PRMT5: variants seen among roughly 807,000 people sequenced by gnomAD.
The protein encoded by PRMT5 is protein arginine methyltransferase 5, also known as protein arginine N-methyltransferase 5.
Under a neutral mutation model 84.0 loss-of-function variants are expected in PRMT5, and 15 were observed. That is an observed-to-expected ratio of 0.18 (90% CI 0.12 to 0.28). PRMT5 has a LOEUF of 0.28. PRMT5 is among the 10% of genes least tolerant of loss of function. The pLI is 1.00. For synonymous variants in PRMT5, 276 were observed against 292.4 expected, an observed-to-expected ratio of 0.94 and a Z score of 0.57; for missense variants, 486 against 808.0, an observed-to-expected ratio of 0.60 and a Z score of 4.83.
chr14:22,926,506 C>A lies in PRMT5; in HGVS notation c.613G>T (p.Ala205Ser), dbSNP rs748266784. Residue 205 changes from alanine (A) to serine (S), a missense_variant and splice_region_variant, in exon 6 of 17, where the codon GCT becomes TCT. Transcript: ENST00000324366. ...CATCCCAGGATTCTCATGGACTCAC[C>A]CACTGCAATCCTCTTACTATAGTCA... The part of the protein sequence containing the change: ...LCDYSKRIAV[A>S]LEIGADLPSN... 2 of 1,614,118 alleles carry A rather than the reference C, an allele frequency of 1.2e-6. No homozygotes were observed. The highest frequency in any genetic ancestry group is 1.7e-6 in the Non-Finnish European group (2 of 1,180,018).
rs1210676255 is a variant in PRMT5, at chr14:22,923,768, G to A, written c.1375+240C>T. Among the ~76,000 whole-genome samples the A allele has an allele frequency of 2.0e-5, 3 of 152,092 alleles. No homozygotes were observed. The highest frequency in any genetic ancestry group is 7.2e-5 in the African/African-American group (3 of 41,410). On this transcript the variant is annotated intron_variant, in intron 12 of 16. Coordinates refer to ENST00000324366, the MANE Select transcript of PRMT5 (RefSeq NM_006109.5). The surrounding 1 kb of genome is among the most constrained non-coding windows in gnomAD (Gnocchi z 5.2). ...ACCTCCCGCCTTGGCCTCCCAAAGT[G>A]CTGCAATTACAGGCATGAGCCACCG...
At position 22,928,983 on chromosome 14, in the gene PRMT5, C is replaced by A; in HGVS notation, c.110+269G>T. The A allele has an allele frequency of 2.8e-6, 2 of 724,074 alleles. No homozygotes were observed. 44.9% of individuals were successfully genotyped at this position (724,074 alleles called of 1,614,324 possible). A position where few individuals can be genotyped will look rare whatever the true frequency, so the allele number is the denominator to read the frequency against. On this transcript the variant is annotated intron_variant, in intron 1 of 16. Transcript: ENST00000324366. The surrounding 1 kb of genome is among the most constrained non-coding windows in gnomAD (Gnocchi z 4.8). ...CTCCCTTGCCCCCTAACACCTCCTC[C>A]CACTCCCAGACAATAATCGCGACCT... is the stretch of plus-strand genomic sequence containing the variant.
At position 22,926,459 on chromosome 14, in the gene PRMT5, A is replaced by G. The variant is rs2139241555; in HGVS notation, c.613+47T>C. 4 of 1,605,694 alleles carry G rather than the reference A, an allele frequency of 2.5e-6. 1 individual carries two copies. The South Asian group carries it at 3.3e-5, about 13-fold the overall frequency. Reference sequence around the variant, plus strand: ...TATGAAATTCCTGATTCTTATTCACAGGAGGTAAGAGAAGCCACACCCATC... The same window carrying G: ...TATGAAATTCCTGATTCTTATTCACGGGAGGTAAGAGAAGCCACACCCATC... On this transcript the variant is annotated intron_variant, in intron 6 of 16. Transcript: ENST00000324366.
rs576273463 is a variant in PRMT5, at chr14:22,928,748, T to C, written c.111-133A>G. ...CAGTTCAGCCTACTAGGCTGCTGAG[T>C]TCAGACCACCTTGGGGGATATCAAC... On this transcript the variant is annotated intron_variant, in intron 1 of 16. Transcript: ENST00000324366. The surrounding 1 kb of genome is among the most constrained non-coding windows in gnomAD (Gnocchi z 4.8). The C allele has an allele frequency of 2.7e-5, 21 of 764,642 alleles. No individual in the cohort carries two copies. Among genetic ancestry groups the C allele is most frequent in the East Asian group, 2.0e-4 (8 of 40,518 alleles). 47.4% of individuals were successfully genotyped at this position (764,642 alleles called of 1,614,324 possible). A position where few individuals can be genotyped will look rare whatever the true frequency, so the allele number is the denominator to read the frequency against.
At position 22,923,953 on chromosome 14, in the gene PRMT5, C is replaced by T. The variant is rs528323453; in HGVS notation, c.1375+55G>A. 23 of 1,514,676 alleles carry T rather than the reference C, an allele frequency of 1.5e-5. No homozygotes were observed. The African/African-American group carries it at 3.1e-4, about 20-fold the overall frequency. The allele number at this position is 1,514,676 out of a possible 1,614,324, so 93.8% of individuals were successfully genotyped here. ...TCCCCTAAACCCTGTACCCTCCTCC[C>T]AGGTTGCTGTCTCACCCATCATCAC... is the stretch of plus-strand genomic sequence containing the variant. On this transcript the variant is annotated intron_variant, in intron 12 of 16. Transcript: ENST00000324366. This position sits in a 1 kb window ranked among gnomAD's most constrained non-coding sequence, Gnocchi z 5.2.
intron 7 of PRMT5, among the ~76,000 whole-genome samples, chr14:22,925,776 T>C (rs1209714554): frequency 6.6e-6 from 1 of 151,536 alleles, no homozygotes; most frequent in Non-Finnish European, 1.5e-5. Context: ...GCTGAGATGG[T>C]ATGGCTGCAC....
rs1270607176 is a variant in PRMT5 at position 22,926,726 on chromosome 14, C to T, written c.539G>A (p.Ser180Asn). 31 of 1,614,020 alleles carry T rather than the reference C, an allele frequency of 1.9e-5. No homozygotes were observed. The highest frequency in any genetic ancestry group is 2.5e-5 in the Non-Finnish European group (29 of 1,179,990). Reference protein sequence around the residue: ...NAPTTHTEEYSGEEKTWMWWH... With the variant: ...NAPTTHTEEYNGEEKTWMWWH... ...CCACATCCACGTTTTCTCCTCCCCACTGTACTCCTCTGTGTGTGTAGTTGG... is the reference window on the plus strand; with the variant it reads ...CCACATCCACGTTTTCTCCTCCCCATTGTACTCCTCTGTGTGTGTAGTTGG... The change falls in exon 5 of 17, where the codon AGT becomes AAT. Residue 180 changes from serine (S) to asparagine (N), a missense_variant. Coordinates refer to ENST00000324366, the MANE Select transcript of PRMT5 (RefSeq NM_006109.5).
chr14:22,920,785 T>C lies in PRMT5; in HGVS notation c.*119A>G. 2 of 1,415,082 alleles carry C rather than the reference T, an allele frequency of 1.4e-6. No individual in the cohort carries two copies. Among genetic ancestry groups the C allele is most frequent in the East Asian group, 2.3e-5 (1 of 43,898 alleles). 87.7% of individuals were successfully genotyped at this position (1,415,082 alleles called of 1,614,324 possible). ...CTTGATGTAAGGCAGGAAAGCAGAT[T>C]GAAATGCTCCTCTCTGATGGGCAAG... is the stretch of plus-strand genomic sequence containing the variant. On this transcript the variant is annotated 3_prime_UTR_variant, in exon 17 of 17. Transcript: ENST00000324366.
rs2044364682 is a variant in PRMT5 at position 22,924,191 on chromosome 14, A to G, written c.1200-8T>C. The stretch of plus-strand genomic sequence containing the variant: ...AACTGCCAGTTCTCTAGCCTGAAAC[A>G]GAGACAATAAGGTAAGGAGAGATGT... On this transcript the variant is annotated splice_region_variant and splice_polypyrimidine_tract_variant and intron_variant, in intron 11 of 16. Transcript: ENST00000324366. This position sits in a 1 kb window ranked among gnomAD's most constrained non-coding sequence, Gnocchi z 6.5. 7 of 1,610,178 alleles carry G rather than the reference A, an allele frequency of 4.3e-6. No individual in the cohort carries two copies. The highest frequency in any genetic ancestry group is 5.9e-6 in the Non-Finnish European group (7 of 1,177,706).
chr14:22,925,025 T>C lies in PRMT5; in HGVS notation c.793A>G (p.Ile265Val). ...GAGTGGTGGTTGGTGCCTGTGATGATGAACTGCACCTCCAACTGTGAGAAA... is the reference window on the plus strand; with the variant it reads ...GAGTGGTGGTTGGTGCCTGTGATGACGAACTGCACCTCCAACTGTGAGAAA... ...FRLLKLEVQF[I>V]ITGTNHHSEK... The change falls in exon 8 of 17, where the codon ATC becomes GTC. Residue 265 changes from isoleucine to valine, a missense_variant. Around this residue, in one of 4 missense-constraint regions of PRMT5, gnomAD observed 215 missense variants for 301.1 expected, o/e 0.71. Transcript: ENST00000324366. 1.2e-6 allele frequency: 2 copies of C among 1,613,992 alleles called. No individual in the cohort carries two copies. Among genetic ancestry groups the C allele is most frequent in the Admixed American group, 3.3e-5 (2 of 59,974 alleles).
At chr14:22,922,034 A>G in intron 16 of PRMT5, 142 bp downstream of exon 16, 3 of 781,134 alleles carry the variant, frequency 3.8e-6, no homozygotes, top group South Asian at 3.3e-5. Flanking sequence ...AATACTCCCA[A>G]CACCTACCAC....
At chr14:22,925,678 G>C (rs1281135743) in intron 7 of PRMT5, among the ~76,000 whole-genome samples, 2 of 152,074 alleles carry the variant, frequency 1.3e-5, no homozygotes, top group African/African-American at 4.8e-5. Flanking sequence ...AATTAGCCGG[G>C]CAGTAGTGGT....
rs747664025 is a variant in PRMT5, at chr14:22,922,551, T to C, written c.1588A>G (p.Ile530Val). The change falls in exon 15 of 17, where the codon ATT (isoleucine) becomes GTT (valine). Residue 530 changes from isoleucine (I) to valine (V), a missense_variant. By Grantham distance (29) the Ile-to-Val change is conservative. Transcript: ENST00000324366. ...AAGGTGCAATAGCGGTTGTTGTCAA[T>C]CATAGGATCTGTCAGGAAATAATTA... ...TFSHPNRDPM[I>V]DNNRYCTLEF... 1.9e-6 allele frequency: 3 copies of C among 1,612,126 alleles called. No homozygotes were observed. Among genetic ancestry groups the C allele is most frequent in the Non-Finnish European group, 2.5e-6 (3 of 1,178,250 alleles).
chr14:22,922,840 C>T lies in PRMT5; in HGVS notation c.1486-5G>A, dbSNP rs202016582. 3.1e-4 allele frequency: 503 copies of T among 1,612,368 alleles called. 1 individual carries two copies. The highest frequency in any genetic ancestry group is 4.1e-4 in the Non-Finnish European group (478 of 1,178,920). ...ATAAGGCATCTCAAACTGGGCCTGT[C>T]AGAGACAGAAAGAGAGAGAGAGTGT... On this transcript the variant is annotated splice_polypyrimidine_tract_variant and splice_region_variant and intron_variant, in intron 13 of 16. Transcript: ENST00000324366.
intron 5 of PRMT5, 25 bp downstream of exon 5, chr14:22,926,677 G>A: frequency 6.2e-7 from 1 of 1,606,294 alleles, no homozygotes; most frequent in Middle Eastern, 1.7e-4. Context: ...CTTGCACCCT[G>A]GTACAGCAGC....
chr14:22,928,670 CA>C lies in PRMT5; in HGVS notation c.111-56del. On this transcript the variant is annotated intron_variant, in intron 1 of 16. Coordinates refer to ENST00000324366, the MANE Select transcript of PRMT5 (RefSeq NM_006109.5). This position sits in a 1 kb window ranked among gnomAD's most constrained non-coding sequence, Gnocchi z 4.8. Reference sequence around the variant, plus strand: ...AAAGACAGCAGCAGTGCCAGAGAGCCAAGCAACTGGATTTAGGCTATCTTGA... The same window carrying C: ...AAAGACAGCAGCAGTGCCAGAGAGCCAGCAACTGGATTTAGGCTATCTTGA... 7.4e-7 allele frequency: 1 copy of C among 1,349,686 alleles called. No homozygotes were observed. Among genetic ancestry groups the C allele is most frequent in the Non-Finnish European group, 1.1e-6 (1 of 938,964 alleles). The allele number at this position is 1,349,686 out of a possible 1,614,324, so 83.6% of individuals were successfully genotyped here. A position where few individuals can be genotyped will look rare whatever the true frequency, so the allele number is the denominator to read the frequency against.
Position 22,928,297 on chromosome 14 carries a change from A to T in PRMT5, c.230-86T>A, listed in dbSNP as rs2044472173. 2 of 1,440,904 alleles carry T rather than the reference A, an allele frequency of 1.4e-6. No individual in the cohort carries two copies. Among genetic ancestry groups the T allele is most frequent in the South Asian group, 2.3e-5 (2 of 86,120 alleles). The allele number at this position is 1,440,904 out of a possible 1,614,324, so 89.3% of individuals were successfully genotyped here. On this transcript the variant is annotated intron_variant, in intron 2 of 16. Transcript: ENST00000324366. The surrounding 1 kb of genome is among the most constrained non-coding windows in gnomAD (Gnocchi z 4.8). ...ATTTTTAGTTTTGGGAATCAAGAGT[A>T]GAAATGAGAGACAAAGGTTTTTTCT...
At chr14:22,922,938 C>T (rs2044337042) in intron 13 of PRMT5, 103 bp from the exon 14 acceptor site, 1 of 1,388,746 alleles carries the variant, frequency 7.2e-7, no homozygotes, top group Admixed American at 2.0e-5. Flanking sequence ...TTCCCCAATC[C>T]CTAACTTCTC....
intron 1 of PRMT5, 73 bp downstream of exon 1, chr14:22,929,179 G>C: frequency 6.2e-7 from 1 of 1,613,700 alleles, no homozygotes; most frequent in Non-Finnish European, 8.5e-7. Flanking sequence ...CTGCTTCTCC[G>C]GGATGACTAG....
Sources: allele counts gnomAD v4.1 joint callset (sites outside exome capture counted in the v4.1 genomes callset), GRCh38; gene constraint gnomAD v4.1.1; regional missense constraint gnomAD v4.1.1; non-coding constraint Gnocchi (gnomAD v3.1); transcripts MANE v1.5; gene names NCBI Gene and HGNC (gene_info 2026-07-23, HGNC 2026-07-21).